DYM: variants seen among roughly 807,000 people sequenced by gnomAD.
DYM encodes the protein dyggve-Melchior-Clausen syndrome protein.
A neutral mutation model predicts 93.1 loss-of-function variants in DYM; 78 were observed. The ratio of observed to expected loss-of-function variants is 0.84; its 90% CI spans 0.70 to 1.01. The LOEUF (loss-of-function observed/expected upper bound fraction) is 1.01. Ranked by LOEUF, DYM falls within the 50% of genes least tolerant of loss-of-function variation. The pLI, the probability that DYM is intolerant of heterozygous loss-of-function variation, is 0.00. For missense variants in DYM, 789 were observed against 845.0 expected, an observed-to-expected ratio of 0.93 and a Z score of 0.82; for synonymous variants, 321 against 319.7, an observed-to-expected ratio of 1.00 and a Z score of -0.04.
At chr18:49,138,679 A>G (rs1281752741) in intron 15 of DYM, among the ~76,000 whole-genome samples, 1 of 151,720 alleles carries the variant, frequency 6.6e-6, no homozygotes, top group Non-Finnish European at 1.5e-5. Flanking sequence ...AACAAATACT[A>G]AACAGTGGCA....
chr18:49,403,759 T>G (rs961904896), intron 2 of DYM, among the ~76,000 whole-genome samples: 1 of 151,248 alleles, frequency 6.6e-6, no homozygotes. Context: ...CCCATAGTAG[T>G]ACCCAGTGTC....
At chr18:49,097,145 T>TA (rs1020122672) in intron 17 of DYM, 11 of 538,734 alleles carry the variant, frequency 2.0e-5, no homozygotes, top group African/African-American at 5.7e-5. Context: ...TTCACTGGGT[T>TA]AAAAAAATAA....
At position 49,386,974 on chromosome 18, in the gene DYM, C is replaced by T. The variant is rs148244208; in HGVS notation, c.193+4619G>A. Reference sequence around the variant, plus strand: ...TTTTTTTTTTTTTGAAACAGAGTCTCACTCTGTCACCTAGGCTGAATGTCG... The same window carrying T: ...TTTTTTTTTTTTTGAAACAGAGTCTTACTCTGTCACCTAGGCTGAATGTCG... On this transcript the variant is annotated intron_variant, in intron 3 of 17. Coordinates refer to ENST00000675505, the MANE Select transcript of DYM (RefSeq NM_001353214.3). Among the ~76,000 whole-genome samples, 761 of 148,748 alleles carry T rather than the reference C, an allele frequency of 5.1e-3. 2 individuals carry two copies. Among genetic ancestry groups the T allele is most frequent in the South Asian group, 0.015 (68 of 4,688 alleles).
At chr18:49,216,007 G>T (rs2093018748) in intron 13 of DYM, among the ~76,000 whole-genome samples, 3 of 152,230 alleles carry the variant, frequency 2.0e-5, no homozygotes, top group South Asian at 4.1e-4. Flanking sequence ...TCAAAGAAAG[G>T]GGTGACAGAT....
chr18:49,058,730 C>G (rs1401165853), intron 17 of DYM, among the ~76,000 whole-genome samples: 1 of 152,150 alleles, frequency 6.6e-6, no homozygotes, highest in African/African-American at 2.4e-5. Context: ...TGAGAGTTAC[C>G]TTGGAAACAC....
At chr18:49,390,865 T>C (rs1014865712) in intron 3 of DYM, 1 of 153,324 alleles carries the variant, frequency 6.5e-6, no homozygotes, top group East Asian at 1.9e-4. Context: ...GTACCCTAGG[T>C]ATTTCACAGA....
chr18:49,088,823 T>C (rs2078790705), intron 17 of DYM, among the ~76,000 whole-genome samples: 1 of 152,116 alleles, frequency 6.6e-6, no homozygotes, highest in Non-Finnish European at 1.5e-5. Flanking sequence ...AAAATAATCT[T>C]GTCTGTCACC....
intron 14 of DYM, among the ~76,000 whole-genome samples, 161 bp downstream of exon 14, chr18:49,209,390 G>A (rs1207291379): frequency 6.6e-6 from 1 of 152,150 alleles, no homozygotes; most frequent in Non-Finnish European, 1.5e-5. Context: ...CATTTGTAAG[G>A]AAACAAAATC....
chr18:49,153,075 C>T (rs1006346643), intron 15 of DYM, among the ~76,000 whole-genome samples: 10 of 152,082 alleles, frequency 6.6e-5, no homozygotes, highest in African/African-American at 7.2e-5. Context: ...GTATTGTACA[C>T]GTGATATTTG....
At chr18:49,075,409 T>A (rs2077222469) in intron 17 of DYM, among the ~76,000 whole-genome samples, 1 of 152,166 alleles carries the variant, frequency 6.6e-6, no homozygotes, top group African/African-American at 2.4e-5. Context: ...ATCCCATTAC[T>A]CCTTATCCCT....
intron 8 of DYM, among the ~76,000 whole-genome samples, chr18:49,292,403 G>C (rs1409812516): frequency 1.4e-4 from 14 of 97,180 alleles, no homozygotes; most frequent in East Asian, 1.1e-3. Flanking sequence ...CACACACACA[G>C]AGCCCTCCTT....
intron 6 of DYM, among the ~76,000 whole-genome samples, chr18:49,346,475 A>C (rs1343602177): frequency 6.6e-6 from 1 of 152,186 alleles, no homozygotes; most frequent in Non-Finnish European, 1.5e-5. Flanking sequence ...AGAGAGGGAT[A>C]AATGAGGCCT....
At chr18:49,166,685 G>C (rs982090071) in intron 14 of DYM, among the ~76,000 whole-genome samples, 1 of 151,936 alleles carries the variant, frequency 6.6e-6, no homozygotes, top group Non-Finnish European at 1.5e-5. Flanking sequence ...TCAGTAATAC[G>C]CTTCTAATTA....
chr18:49,118,804 A>ATCGC lies in DYM; in HGVS notation c.1847_1850dup (p.Asp617GlufsTer5). On this transcript the variant is annotated frameshift_variant, in exon 16 of 18. Coordinates refer to ENST00000675505, the MANE Select transcript of DYM (RefSeq NM_001353214.3). LOFTEE classifies it high-confidence loss of function. ...GATGAGTTCGAAATTGTTCAAAGAG[A>ATCGC]TCGCGTTTGTAAAGCAGGGCGTATA... 2 of 1,614,130 alleles carry ATCGC rather than the reference A, an allele frequency of 1.2e-6. No homozygotes were observed. The highest frequency in any genetic ancestry group is 1.7e-6 in the Non-Finnish European group (2 of 1,179,988).
At chr18:49,127,712 C>T (rs1252495972) in intron 15 of DYM, among the ~76,000 whole-genome samples, 4 of 152,208 alleles carry the variant, frequency 2.6e-5, no homozygotes, top group Non-Finnish European at 4.4e-5. Context: ...GTTGCTAATT[C>T]ACTGGTGCAC....
intron 15 of DYM, 127 bp from the exon 16 acceptor site, chr18:49,119,053 T>A (rs979619901): frequency 2.5e-6 from 2 of 787,288 alleles, no homozygotes; most frequent in African/African-American, 3.5e-5. Flanking sequence ...AAGAAGCTCA[T>A]CAAGATTATT....
At position 49,056,482 on chromosome 18, in the gene DYM, T is replaced by C. The variant is rs968157988; in HGVS notation, c.2026-12278A>G. 2.8e-4 allele frequency among the ~76,000 whole-genome samples: 43 copies of C among 152,324 alleles called. 1 individual carries two copies. Among genetic ancestry groups the C allele is most frequent in the East Asian group, 5.8e-4 (3 of 5,184 alleles). On this transcript the variant is annotated intron_variant, in intron 17 of 17. Coordinates refer to ENST00000675505, the MANE Select transcript of DYM (RefSeq NM_001353214.3). ...TCGTATTTGTAAGCTGAAACAAAGATTGAATCTCCATTAATAAAAGCCTAT... is the reference window on the plus strand; with the variant it reads ...TCGTATTTGTAAGCTGAAACAAAGACTGAATCTCCATTAATAAAAGCCTAT...
intron 17 of DYM, among the ~76,000 whole-genome samples, chr18:49,078,194 G>A (rs2077472074): frequency 1.3e-5 from 2 of 151,984 alleles, no homozygotes; most frequent in African/African-American, 4.8e-5. Context: ...ATTACTTAGG[G>A]TGACCATAGT....
chr18:49,441,213 T>TTATATATAATATATTATATATTATATATA (rs1568454155), intron 1 of DYM, among the ~76,000 whole-genome samples: 5 of 40,010 alleles, frequency 1.2e-4, no homozygotes, highest in African/African-American at 3.8e-4. Flanking sequence ...ATTATATATA[T>TTATATATAATATATTATATATTATATATA]TATATATAAT....
Sources: gnomAD v4.1 joint callset for allele counts (sites outside exome capture counted in the v4.1 genomes callset) on GRCh38, gnomAD v4.1.1 for gene constraint, MANE v1.5 for transcripts, NCBI Gene and HGNC (gene_info 2026-07-23, HGNC 2026-07-21) for gene names.